EPHA7: variants seen among roughly 807,000 people sequenced by gnomAD.
EPHA7 encodes ephrin type-A receptor 7.
Under a neutral mutation model 112.6 loss-of-function variants are expected in EPHA7, and 25 were observed. The ratio of observed to expected loss-of-function variants is 0.22; its 90% CI spans 0.16 to 0.31. EPHA7 has a LOEUF of 0.31. EPHA7 is among the 10% of genes least tolerant of loss of function. The pLI is 1.00. For missense variants in EPHA7, 962 were observed against 1,212.6 expected (o/e 0.79, Z 3.07); for synonymous variants, 437 against 406.5 (o/e 1.07, Z -0.90).
At chr6:93,336,622 T>G (rs545204260) in intron 5 of EPHA7, among the ~76,000 whole-genome samples, 1 of 152,108 alleles carries the variant, frequency 6.6e-6, no homozygotes, top group Non-Finnish European at 1.5e-5. Context: ...AGGATGGTCT[T>G]GATCTCCTGA....
intron 5 of EPHA7, among the ~76,000 whole-genome samples, chr6:93,292,665 T>C (rs1772441530): frequency 1.3e-5 from 2 of 152,274 alleles, no homozygotes; most frequent in South Asian, 4.1e-4. Flanking sequence ...AAAGTAGGTA[T>C]AAATAAATAA....
intron 1 of EPHA7, among the ~76,000 whole-genome samples, chr6:93,415,415 A>C (rs1263354604): frequency 6.6e-6 from 1 of 152,018 alleles, no homozygotes; most frequent in East Asian, 1.9e-4. Flanking sequence ...AGTGATAGAT[A>C]ATTCTCAAAA....
intron 5 of EPHA7, among the ~76,000 whole-genome samples, chr6:93,310,991 G>GA (rs1040370119): frequency 2.0e-5 from 3 of 151,318 alleles, no homozygotes; most frequent in Admixed American, 2.0e-4. Flanking sequence ...TTTGTTTTTT[G>GA]AGTGTCTTGC....
At chr6:93,344,096 A>G (rs1038297406) in intron 5 of EPHA7, among the ~76,000 whole-genome samples, 4 of 148,988 alleles carry the variant, frequency 2.7e-5, no homozygotes, top group Non-Finnish European at 4.5e-5. Flanking sequence ...TACTGGAGAA[A>G]GAAGAGATAT....
At chr6:93,358,472 A>T in intron 3 of EPHA7, 61 bp from the exon 4 acceptor site, 1 of 1,415,142 alleles carries the variant, frequency 7.1e-7, no homozygotes, top group Non-Finnish European at 9.6e-7. Context: ...TTAAAAAAAA[A>T]TTGTATTATT....
chr6:93,392,236 T>C (rs1339858679), intron 3 of EPHA7, among the ~76,000 whole-genome samples: 2 of 151,946 alleles, frequency 1.3e-5, no homozygotes, highest in Admixed American at 6.6e-5. Flanking sequence ...CCACTTTTCC[T>C]GACAGGAAAC....
At chr6:93,368,993 T>C (rs924199046) in intron 3 of EPHA7, among the ~76,000 whole-genome samples, 3 of 152,048 alleles carry the variant, frequency 2.0e-5, no homozygotes, top group African/African-American at 7.2e-5. Context: ...CAGTTTACCC[T>C]GAAGCATGAC....
chr6:93,283,617 G>A (rs554718031), intron 5 of EPHA7, among the ~76,000 whole-genome samples: 5 of 152,048 alleles, frequency 3.3e-5, no homozygotes, highest in South Asian at 2.1e-4. Flanking sequence ...AACACTCACC[G>A]CGAAGGTCTG....
chr6:93,272,268 T>C (rs746041351), intron 6 of EPHA7, 30 bp downstream of exon 6: 1 of 1,609,622 alleles, frequency 6.2e-7, no homozygotes, highest in Non-Finnish European at 8.5e-7. Flanking sequence ...ACACAGCACA[T>C]TGTACATTTC....
chr6:93,350,745 ATTTTT>A (rs930778012), intron 5 of EPHA7, among the ~76,000 whole-genome samples: 1 of 148,840 alleles, frequency 6.7e-6, no homozygotes, highest in East Asian at 2.0e-4. Context: ...CTAGGCAGGA[ATTTTT>A]TTTTTTAACA....
At chr6:93,375,034 G>C (rs1776983803) in intron 3 of EPHA7, among the ~76,000 whole-genome samples, 1 of 151,962 alleles carries the variant, frequency 6.6e-6, no homozygotes, top group South Asian at 2.1e-4. Context: ...GTAACTAAAT[G>C]TCTGAAAGTT....
At chr6:93,344,986 G>C (rs985233899) in intron 5 of EPHA7, among the ~76,000 whole-genome samples, 12 of 151,522 alleles carry the variant, frequency 7.9e-5, no homozygotes, top group Non-Finnish European at 1.2e-4. Context: ...TAACATTTAA[G>C]CCCTACCACC....
intron 5 of EPHA7, among the ~76,000 whole-genome samples, chr6:93,330,011 A>G (rs547518424): frequency 1.3e-5 from 2 of 151,524 alleles, no homozygotes; most frequent in East Asian, 3.9e-4. Flanking sequence ...GGAGGAATTG[A>G]GAAAAATGCC....
At chr6:93,256,379 T>C (rs1168490407) in intron 12 of EPHA7, among the ~76,000 whole-genome samples, 1 of 151,906 alleles carries the variant, frequency 6.6e-6, no homozygotes, top group East Asian at 1.9e-4. Context: ...TTTCCCCACA[T>C]GCCAAAAAGT....
intron 6 of EPHA7, 107 bp downstream of exon 6, chr6:93,272,191 G>T: frequency 7.9e-7 from 1 of 1,271,912 alleles, no homozygotes; most frequent in Non-Finnish European, 1.1e-6. Context: ...TACGAAGTTT[G>T]AAGTAGCTCC....
intron 16 of EPHA7, among the ~76,000 whole-genome samples, chr6:93,244,571 T>C (rs1769859193): frequency 6.6e-6 from 1 of 152,086 alleles, no homozygotes. Flanking sequence ...ATTTTTAGAT[T>C]GTCCAGGAAC....
intron 3 of EPHA7, among the ~76,000 whole-genome samples, chr6:93,358,974 CA>C (rs1776102560): frequency 6.6e-6 from 1 of 152,094 alleles, no homozygotes; most frequent in Non-Finnish European, 1.5e-5. Flanking sequence ...GATAGAATTT[CA>C]ACCAATTTAA....
At chr6:93,287,599 A>T (rs992468207) in intron 5 of EPHA7, among the ~76,000 whole-genome samples, 1 of 150,178 alleles carries the variant, frequency 6.7e-6, no homozygotes, top group Admixed American at 6.7e-5. Context: ...AACTCGTGTC[A>T]TGGGGGTTTG....
chr6:93,349,448 A>G (rs1343255386), intron 5 of EPHA7, among the ~76,000 whole-genome samples: 6 of 150,444 alleles, frequency 4.0e-5, no homozygotes, highest in Non-Finnish European at 5.9e-5. Context: ...CATATTTTGA[A>G]CAGTTTACTG....
Sources: allele counts gnomAD v4.1 joint callset (sites outside exome capture counted in the v4.1 genomes callset), GRCh38; gene constraint gnomAD v4.1.1; transcripts MANE v1.5; gene names NCBI Gene and HGNC (gene_info 2026-07-23, HGNC 2026-07-21).